The following COMMD1 variants were observed in gnomAD, a reference collection of about 807,000 sequenced individuals.
COMMD1 encodes COMM domain-containing protein 1.
A neutral mutation model predicts 17.2 loss-of-function variants in COMMD1; 10 were observed. The ratio of observed to expected loss-of-function variants is 0.58; its 90% CI spans 0.36 to 0.99. The LOEUF is 0.99. COMMD1 is among the 50% of genes least tolerant of loss of function. The pLI is 0.01. For missense variants in COMMD1, 270 were observed against 231.8 expected (o/e 1.17, Z -1.07); for synonymous variants, 97 against 91.6 (o/e 1.06, Z -0.34).
At chr2:62,127,041 A>C (rs1002676946) in intron 2 of COMMD1, among the ~76,000 whole-genome samples, 4 of 152,188 alleles carry the variant, frequency 2.6e-5, no homozygotes, top group Non-Finnish European at 5.9e-5. Context: ...CAGGATACAA[A>C]ATCAGTGTGC....
intron 1 of COMMD1, among the ~76,000 whole-genome samples, chr2:61,967,172 T>C (rs1671528612): frequency 6.6e-6 from 1 of 152,186 alleles, no homozygotes; most frequent in Admixed American, 6.5e-5. Context: ...GTTGCAAAGA[T>C]AGCAGAACTG....
intron 2 of COMMD1, among the ~76,000 whole-genome samples, chr2:62,019,107 C>G (rs1306962534): frequency 2.2e-5 from 2 of 92,678 alleles, no homozygotes; most frequent in Non-Finnish European, 3.9e-5. Context: ...TCTCTTCCCT[C>G]CCTCCCTCCC....
rs184019387 is a variant in COMMD1 at position 62,067,375 on chromosome 2, T to C, written c.462+66393T>C. 1.6e-3 allele frequency among the ~76,000 whole-genome samples: 240 copies of C among 152,294 alleles called. 2 individuals carry two copies. Among genetic ancestry groups the C allele is most frequent in the African/African-American group, 4.6e-3 (190 of 41,560 alleles). ...TTCTATTTGTATAGTTCATTCTAGGTATTTTCCTGTTTGCTTACTTGATCT... is the reference window on the plus strand; with the variant it reads ...TTCTATTTGTATAGTTCATTCTAGGCATTTTCCTGTTTGCTTACTTGATCT... On this transcript the variant is annotated intron_variant, in intron 2 of 2. Transcript: ENST00000311832.
intron 2 of COMMD1, among the ~76,000 whole-genome samples, chr2:62,117,186 C>T (rs539196205): frequency 2.4e-4 from 37 of 152,264 alleles, no homozygotes; most frequent in African/African-American, 8.2e-4. Context: ...ACATGCTTCT[C>T]TGCCTGGGTC....
chr2:61,998,746 CTT>C (rs1314254843), intron 1 of COMMD1, among the ~76,000 whole-genome samples: 1 of 152,144 alleles, frequency 6.6e-6, no homozygotes, highest in Admixed American at 6.5e-5. Flanking sequence ...ATATGTGTGA[CTT>C]TTTCACTTGA....
At chr2:62,035,538 C>G (rs1281101128) in intron 2 of COMMD1, among the ~76,000 whole-genome samples, 1 of 151,500 alleles carries the variant, frequency 6.6e-6, no homozygotes, top group East Asian at 2.0e-4. Context: ...CCCAGGAGTT[C>G]AAGACCAGCC....
rs1364924405 is a variant in COMMD1 at position 62,000,773 on chromosome 2, G to A, written c.253G>A (p.Gly85Arg). ...FLTAQTKKQG[G>R]ITSDQAAVIS... ...GACTGCTCAAACCAAAAAGCAAGGT[G>A]GGATCACATCTGACCAAGCTGCTGT... is the stretch of plus-strand genomic sequence containing the variant. Residue 85 changes from glycine (G) to arginine (R), a missense_variant, in exon 2 of 3, where the codon GGG (glycine) becomes AGG (arginine). Coordinates refer to ENST00000311832, the MANE Select transcript of COMMD1 (RefSeq NM_152516.4). The A allele has an allele frequency of 1.9e-6, 3 of 1,614,028 alleles. No individual in the cohort carries two copies. In the Admixed American group the frequency reaches 5.0e-5, roughly 27 times the overall value.
intron 2 of COMMD1, among the ~76,000 whole-genome samples, chr2:62,074,314 A>G (rs1671280134): frequency 6.6e-6 from 1 of 152,200 alleles, no homozygotes; most frequent in South Asian, 2.1e-4. Flanking sequence ...GGCTAATATT[A>G]ACTGGCTCAA....
At chr2:62,022,448 CTTTTTTTTTTT>C (rs747830662) in intron 2 of COMMD1, among the ~76,000 whole-genome samples, 1 of 84,950 alleles carries the variant, frequency 1.2e-5, no homozygotes, top group South Asian at 4.1e-4. Flanking sequence ...ACCGGCGCTT[CTTTTTTTTTTT>C]TTTTTTTTTT....
chr2:61,986,187 G>A (rs1672100231), intron 1 of COMMD1, among the ~76,000 whole-genome samples: 1 of 149,934 alleles, frequency 6.7e-6, no homozygotes, highest in African/African-American at 2.5e-5. Flanking sequence ...CTTTAAATAT[G>A]TCATGCCAAT....
intron 1 of COMMD1, among the ~76,000 whole-genome samples, chr2:61,945,640 G>A (rs1008854219): frequency 2.6e-5 from 4 of 152,232 alleles, no homozygotes; most frequent in Non-Finnish European, 5.9e-5. Context: ...AGGACGTCCT[G>A]ATGACATGTG....
rs561268644 is a variant in COMMD1, at chr2:62,133,207, C to T, written c.463-2624C>T. Among the ~76,000 whole-genome samples, 14 of 152,330 alleles carry T rather than the reference C, an allele frequency of 9.2e-5. 1 individual carries two copies. The highest frequency in any genetic ancestry group is 3.4e-3 in the Middle Eastern group (1 of 294). On this transcript the variant is annotated intron_variant, in intron 2 of 2. Coordinates refer to ENST00000311832, the MANE Select transcript of COMMD1 (RefSeq NM_152516.4). ...CTTTCATCCAAGAGGCCCCTTCTTT[C>T]CCTTTGTACTTATTTCTCCTTGGGA... is the stretch of plus-strand genomic sequence containing the variant.
chr2:61,926,560 C>T (rs960553456), intron 1 of COMMD1, among the ~76,000 whole-genome samples: 3 of 152,070 alleles, frequency 2.0e-5, no homozygotes, highest in South Asian at 4.1e-4. Context: ...CTTTTGTTGC[C>T]AAATCAATAG....
At chr2:62,014,370 TG>T (rs1415556026) in intron 2 of COMMD1, among the ~76,000 whole-genome samples, 1 of 151,988 alleles carries the variant, frequency 6.6e-6, no homozygotes, top group East Asian at 1.9e-4. Context: ...TTGAACTGCC[TG>T]TGTTTGTCTA....
rs964352558 is a variant in COMMD1 at position 61,914,165 on chromosome 2, C to T, written c.180+8307C>T. Among the ~76,000 whole-genome samples, 5 of 151,282 alleles carry T rather than the reference C, an allele frequency of 3.3e-5. No individual in the cohort carries two copies. The South Asian group carries it at 8.4e-4, about 25-fold the overall frequency. On this transcript the variant is annotated intron_variant, in intron 1 of 2. Coordinates refer to ENST00000311832, the MANE Select transcript of COMMD1 (RefSeq NM_152516.4). ...CCAGCCTGGTCAACAGAGGGAGACT[C>T]CATCTCAAATAAATAAATAAATAAA... is the stretch of plus-strand genomic sequence containing the variant.
intron 2 of COMMD1, among the ~76,000 whole-genome samples, chr2:62,094,319 G>A (rs1447751648): frequency 1.3e-5 from 2 of 152,138 alleles, no homozygotes; most frequent in East Asian, 3.8e-4. Flanking sequence ...ACAGAGTTGG[G>A]GGCATAGACG....
intron 2 of COMMD1, among the ~76,000 whole-genome samples, chr2:62,018,546 A>G (rs570585384): frequency 6.6e-6 from 1 of 152,322 alleles, no homozygotes; most frequent in South Asian, 2.1e-4. Context: ...TTCAGTTTTT[A>G]ATGAGCATTA....
At chr2:62,050,021 T>A (rs1670494698) in intron 2 of COMMD1, among the ~76,000 whole-genome samples, 2 of 152,214 alleles carry the variant, frequency 1.3e-5, no homozygotes, top group African/African-American at 4.8e-5. Flanking sequence ...TAGAAAGTAA[T>A]CAAGATAGGT....
intron 2 of COMMD1, among the ~76,000 whole-genome samples, chr2:62,126,290 A>G (rs938044212): frequency 2.0e-5 from 3 of 152,170 alleles, no homozygotes. Context: ...TATACCCAGT[A>G]AGGGGATTGC....
Sources: allele counts gnomAD v4.1 joint callset (sites outside exome capture counted in the v4.1 genomes callset), GRCh38; gene constraint gnomAD v4.1.1; transcripts MANE v1.5; gene names NCBI Gene and HGNC (gene_info 2026-07-23, HGNC 2026-07-21).